Variants in ROBO1 observed in about 807,000 individuals in gnomAD.
The protein encoded by ROBO1 is roundabout homolog 1.
In ROBO1, 149 loss-of-function variants were observed where a neutral mutation model predicts 195.9. The observed-to-expected ratio is 0.76, with a 90% CI of 0.67 to 0.87. ROBO1 has a LOEUF of 0.87. Among genes scored for constraint, ROBO1 ranks in the 40% least tolerant of loss-of-function variants. ROBO1 has a pLI of 0.00. For missense variants in ROBO1, 1,933 were observed against 2,068.3 expected (o/e 0.93, Z 1.27); for synonymous variants, 816 against 733.2 (o/e 1.11, Z -1.82).
chr3:78,711,348 C>CTCCTTTCTTTTCTTTCTTTCT (rs1575992298), intron 8 of ROBO1, among the ~76,000 whole-genome samples: 7 of 54,656 alleles, frequency 1.3e-4, no homozygotes, highest in African/African-American at 5.5e-4. Flanking sequence ...TCCTTCCTTC[C>CTCCTTTCTTTTCTTTCTTTCT]TCCTTCCTTC....
intron 2 of ROBO1, among the ~76,000 whole-genome samples, chr3:79,387,841 G>A (rs2036810848): frequency 6.6e-6 from 1 of 152,148 alleles, no homozygotes; most frequent in South Asian, 2.1e-4. Context: ...AAAAATTAGA[G>A]TAGGATAATG....
intron 2 of ROBO1, among the ~76,000 whole-genome samples, chr3:79,169,785 C>T (rs1433416699): frequency 6.6e-6 from 1 of 152,050 alleles, no homozygotes; most frequent in East Asian, 1.9e-4. Flanking sequence ...TTTGTTATCT[C>T]AATTCAAAAT....
At chr3:79,403,205 A>G (rs2037428285) in intron 2 of ROBO1, among the ~76,000 whole-genome samples, 1 of 151,932 alleles carries the variant, frequency 6.6e-6, no homozygotes, top group Non-Finnish European at 1.5e-5. Flanking sequence ...AACTTTTTGG[A>G]TTATTTTCTT....
Position 78,614,804 on chromosome 3 carries a change from AGG to A in ROBO1, c.4283-6_4283-5del. The A allele has an allele frequency of 1.1e-5, 17 of 1,562,996 alleles. No individual in the cohort carries two copies. The highest frequency in any genetic ancestry group is 2.7e-5 in the African/African-American group (2 of 72,990). On this transcript the variant is annotated splice_region_variant and splice_polypyrimidine_tract_variant and intron_variant, in intron 27 of 30. Transcript: ENST00000464233. ...GACGCATGAAAATGTCGACGGCCTA[AGG>A]AGAAAAAAAAAAAAAATCCAAGCCA...
At chr3:79,567,675 A>T (rs541332808) in intron 2 of ROBO1, among the ~76,000 whole-genome samples, 65 of 152,286 alleles carry the variant, frequency 4.3e-4, no homozygotes, top group African/African-American at 1.4e-3. Flanking sequence ...CCCATATGAT[A>T]TTCCCTTTAA....
Position 78,796,872 on chromosome 3 carries a change from G to A in ROBO1, c.500-49972C>T, listed in dbSNP as rs978871103. 3.3e-5 allele frequency among the ~76,000 whole-genome samples: 5 copies of A among 152,136 alleles called. No individual in the cohort carries two copies. In the East Asian group the frequency reaches 5.8e-4, roughly 18 times the overall value. On this transcript the variant is annotated intron_variant, in intron 4 of 30. Coordinates refer to ENST00000464233, the MANE Select transcript of ROBO1 (RefSeq NM_002941.4). ...CACTACCTTGGTCAAAATCCAAATG[G>A]CTTTTCATCTCCTTCAGAAAAAAGT...
chr3:79,270,990 T>C lies in ROBO1; in HGVS notation c.89-145451A>G, dbSNP rs1419943585. On this transcript the variant is annotated intron_variant, in intron 2 of 30. Transcript: ENST00000464233. Reference sequence around the variant, plus strand: ...ATTTATCACTACCATTGTAACATGATTCTTTATATTAACCTTGAAAATGGC... The same window carrying C: ...ATTTATCACTACCATTGTAACATGACTCTTTATATTAACCTTGAAAATGGC... 2.6e-5 allele frequency among the ~76,000 whole-genome samples: 4 copies of C among 152,100 alleles called. No homozygotes were observed. In the East Asian group the frequency reaches 7.8e-4, roughly 29 times the overall value.
At chr3:79,534,445 G>T (rs537131537) in intron 2 of ROBO1, among the ~76,000 whole-genome samples, 2 of 152,134 alleles carry the variant, frequency 1.3e-5, no homozygotes, top group East Asian at 3.9e-4. Flanking sequence ...CATGGTTCTA[G>T]AAGAAACTGT....
At chr3:79,468,776 C>T (rs1368014134) in intron 2 of ROBO1, among the ~76,000 whole-genome samples, 1 of 152,006 alleles carries the variant, frequency 6.6e-6, no homozygotes, top group Non-Finnish European at 1.5e-5. Flanking sequence ...TTCATTAGAC[C>T]AATCTCAGTC....
Position 79,243,672 on chromosome 3 carries a change from G to A in ROBO1, c.89-118133C>T, listed in dbSNP as rs971009706. ...TGTTCATATCCTTCGCCCACTTTTTGATGGGGTTGTTTTTTTCTTGTAAAT... is the reference window on the plus strand; with the variant it reads ...TGTTCATATCCTTCGCCCACTTTTTAATGGGGTTGTTTTTTTCTTGTAAAT... On this transcript the variant is annotated intron_variant, in intron 2 of 30. Transcript: ENST00000464233. 7.7e-4 allele frequency among the ~76,000 whole-genome samples: 117 copies of A among 152,208 alleles called. 1 individual carries two copies. The highest frequency in any genetic ancestry group is 2.7e-3 in the African/African-American group (114 of 41,546).
intron 2 of ROBO1, among the ~76,000 whole-genome samples, chr3:79,478,090 G>T (rs2107360055): frequency 6.6e-6 from 1 of 152,144 alleles, no homozygotes; most frequent in East Asian, 1.9e-4. Context: ...AACTTGGTTG[G>T]CTGTAATTCA....
intron 3 of ROBO1, among the ~76,000 whole-genome samples, chr3:79,106,721 A>G (rs1426467821): frequency 6.6e-6 from 1 of 151,704 alleles, no homozygotes; most frequent in Admixed American, 6.6e-5. Flanking sequence ...ACACTAAAAA[A>G]AAAATGTAAG....
At chr3:79,378,970 C>T (rs1189933663) in intron 2 of ROBO1, among the ~76,000 whole-genome samples, 2 of 152,284 alleles carry the variant, frequency 1.3e-5, no homozygotes, top group Non-Finnish European at 2.9e-5. Flanking sequence ...TACTAACTAA[C>T]GGTGAGGTCA....
intron 2 of ROBO1, among the ~76,000 whole-genome samples, chr3:79,499,046 G>A (rs1326319097): frequency 6.6e-6 from 1 of 152,066 alleles, no homozygotes; most frequent in Non-Finnish European, 1.5e-5. Flanking sequence ...CCAGGCTGGA[G>A]TGCAATGGCG....
intron 3 of ROBO1, among the ~76,000 whole-genome samples, chr3:79,044,016 T>C (rs960761587): frequency 6.6e-6 from 1 of 151,942 alleles, no homozygotes; most frequent in Admixed American, 6.6e-5. Context: ...CTTGGGGTAA[T>C]AGTGTATCAG....
intron 4 of ROBO1, among the ~76,000 whole-genome samples, chr3:78,780,235 T>G (rs912834807): frequency 1.3e-5 from 2 of 152,054 alleles, no homozygotes; most frequent in African/African-American, 4.8e-5. Flanking sequence ...TGGACATGCA[T>G]CCCAGAATTT....
rs139637880 is a variant in ROBO1, at chr3:79,234,088, C to A, written c.89-108549G>T. On this transcript the variant is annotated intron_variant, in intron 2 of 30. Transcript: ENST00000464233. Reference sequence around the variant, plus strand: ...TCCTCATAGATTCTGGATATTAGACCTTTGTCAGATGCTTAGTTTGCAATT... The same window carrying A: ...TCCTCATAGATTCTGGATATTAGACATTTGTCAGATGCTTAGTTTGCAATT... Among the ~76,000 whole-genome samples, 1,002 of 152,056 alleles carry A rather than the reference C, an allele frequency of 6.6e-3. 6 individuals carry two copies. The highest frequency in any genetic ancestry group is 0.01 in the Non-Finnish European group (685 of 67,984).
At chr3:78,953,153 T>C (rs1450263379) in intron 3 of ROBO1, among the ~76,000 whole-genome samples, 1 of 152,030 alleles carries the variant, frequency 6.6e-6, no homozygotes. Flanking sequence ...GAGGGTTTTC[T>C]GTCATGAGAC....
intron 2 of ROBO1, among the ~76,000 whole-genome samples, chr3:79,285,143 C>G (rs142133333): frequency 6.6e-6 from 1 of 151,974 alleles, no homozygotes; most frequent in African/African-American, 2.4e-5. Flanking sequence ...CATGTTCTTA[C>G]GAAGCATTTA....
Sources: gnomAD v4.1 joint callset for allele counts (sites outside exome capture counted in the v4.1 genomes callset) on GRCh38, gnomAD v4.1.1 for gene constraint, MANE v1.5 for transcripts, NCBI Gene and HGNC (gene_info 2026-07-23, HGNC 2026-07-21) for gene names.